The following FBXL5 variants were observed in gnomAD, a reference collection of about 807,000 sequenced individuals.
The protein encoded by FBXL5 is F-box and leucine rich repeat protein 5, also known as F-box/LRR-repeat protein 5.
Under a neutral mutation model 78.3 loss-of-function variants are expected in FBXL5, and 26 were observed. The observed-to-expected ratio is 0.33, with a 90% CI of 0.24 to 0.46. The LOEUF (loss-of-function observed/expected upper bound fraction) is 0.46, where lower values mean the gene tolerates loss of function less well. FBXL5 is among the 20% of genes least tolerant of loss of function. The pLI is 1.00. For synonymous variants in FBXL5, 295 were observed against 282.5 expected (o/e 1.04, Z -0.45); for missense variants, 710 against 829.2 (o/e 0.86, Z 1.77).
In FBXL5 at chr4:15,625,868, T is replaced by C. The variant is rs1176596181; in HGVS notation, c.1234A>G (p.Thr412Ala). ...TTCAAAAAGCCACTTTGATGAGATG[T>C]CAGAATTCCAAGAGCTCTGGAAATC... The part of the protein sequence containing the change: ...EKISRALGIL[T>A]SHQSGFLKTS... The change falls in exon 9 of 11, where the codon ACA becomes GCA. Residue 412 changes from threonine (T) to alanine (A), a missense_variant. Transcript: ENST00000341285. 1.9e-6 allele frequency: 3 copies of C among 1,614,142 alleles called. No homozygotes were observed. Among genetic ancestry groups the C allele is most frequent in the Non-Finnish European group, 2.5e-6 (3 of 1,180,022 alleles).
intron 10 of FBXL5, among the ~76,000 whole-genome samples, chr4:15,608,287 A>G (rs1418061797): frequency 6.6e-6 from 1 of 152,112 alleles, no homozygotes; most frequent in Non-Finnish European, 1.5e-5. Context: ...AAACAGATCA[A>G]AAAAGCTATT....
Position 15,636,496 on chromosome 4 carries a change from C to A in FBXL5, c.764G>T (p.Arg255Ile). 1 of 1,580,988 alleles carries A rather than the reference C, an allele frequency of 6.3e-7. No homozygotes were observed. The highest frequency in any genetic ancestry group is 8.6e-7 in the Non-Finnish European group (1 of 1,161,214). The change falls in exon 5 of 11, where the codon AGA (arginine) becomes ATA (isoleucine). Residue 255 changes from arginine (R) to isoleucine (I), a missense_variant and splice_region_variant. Arg to Ile is a moderately conservative substitution (Grantham distance 97, BLOSUM62 -3). This residue lies in a region of FBXL5 where 517 missense variants were observed against 542.9 expected (regional missense o/e 0.95). Coordinates refer to ENST00000341285, the MANE Select transcript of FBXL5 (RefSeq NM_012161.4). ...ATTTTAAAAACCCATTTACCTACCT[C>A]TGGCCCAATGAACAGGGTAAAGATG... ...WKHLYPVHWA[R>I]GDWYSGPATE... is the part of the protein sequence containing the mutation.
upstream of FBXL5, among the ~76,000 whole-genome samples, chr4:15,658,137 C>T (rs945186218): frequency 2.0e-5 from 3 of 152,144 alleles, no homozygotes; most frequent in Admixed American, 6.5e-5. Flanking sequence ...GGTTATTGGC[C>T]AGGGAGGGTC....
At position 15,605,285 on chromosome 4, in the gene FBXL5, T is replaced by C. The variant is rs1237529577; in HGVS notation, c.*438A>G. The C allele has an allele frequency of 6.5e-6, 1 of 153,022 alleles. No individual in the cohort carries two copies. The highest frequency in any genetic ancestry group is 6.5e-5 in the Admixed American group (1 of 15,290). 9.5% of individuals were successfully genotyped at this position (153,022 alleles called of 1,614,324 possible). On this transcript the variant is annotated 3_prime_UTR_variant, in exon 11 of 11. Transcript: ENST00000341285. ...GGAAATATTACGGAAAAGAGATTAG[T>C]TTCCAAAAATGTGCTGTCTTTGAAA...
At chr4:15,675,728 C>T (rs1172456481) in intron 1 of FBXL5, among the ~76,000 whole-genome samples, 1 of 151,900 alleles carries the variant, frequency 6.6e-6, no homozygotes, top group Non-Finnish European at 1.5e-5. Flanking sequence ...ATTACTGGCA[C>T]CTGACACCAC....
intron 10 of FBXL5, among the ~76,000 whole-genome samples, chr4:15,606,181 C>A (rs1031807787): frequency 4.6e-5 from 7 of 152,070 alleles, no homozygotes; most frequent in Admixed American, 1.3e-4. Flanking sequence ...ACAGCCCTAA[C>A]TATAATCGAT....
intron 1 of FBXL5, among the ~76,000 whole-genome samples, chr4:15,667,754 C>G (rs899399946): frequency 6.6e-6 from 1 of 152,014 alleles, no homozygotes; most frequent in Non-Finnish European, 1.5e-5. Flanking sequence ...ATTTGACTTC[C>G]TGGTATAAGA....
At chr4:15,618,568 C>T (rs971713655) in intron 9 of FBXL5, among the ~76,000 whole-genome samples, 3 of 152,198 alleles carry the variant, frequency 2.0e-5, no homozygotes, top group African/African-American at 7.2e-5. Flanking sequence ...TGGCTGGGCG[C>T]AGTGGCTCAC....
At chr4:15,652,606 C>T (rs1173238108) in intron 1 of FBXL5, among the ~76,000 whole-genome samples, 1 of 152,118 alleles carries the variant, frequency 6.6e-6, no homozygotes, top group African/African-American at 2.4e-5. Context: ...ATTTTCTCAT[C>T]CTATTCACCT....
intron 1 of FBXL5, among the ~76,000 whole-genome samples, chr4:15,647,229 A>C (rs1443942721): frequency 7.3e-6 from 1 of 137,694 alleles, no homozygotes; most frequent in Non-Finnish European, 1.5e-5. Context: ...TCTCAAAAAA[A>C]AAAAAAAAAA....
intron 5 of FBXL5, among the ~76,000 whole-genome samples, chr4:15,632,180 C>T (rs937664242): frequency 2.0e-5 from 3 of 152,148 alleles, no homozygotes; most frequent in Non-Finnish European, 4.4e-5. Context: ...GGAATCCTTT[C>T]CCTATTTCTT....
intron 1 of FBXL5, among the ~76,000 whole-genome samples, chr4:15,665,297 T>C (rs1054835704): frequency 6.6e-6 from 1 of 152,072 alleles, no homozygotes; most frequent in Non-Finnish European, 1.5e-5. Flanking sequence ...GCCCCCTACC[T>C]CCCTGGGCAT....
intron 1 of FBXL5, among the ~76,000 whole-genome samples, chr4:15,679,582 A>C (rs1281191231): frequency 2.0e-5 from 3 of 151,740 alleles, no homozygotes; most frequent in Admixed American, 2.0e-4. Flanking sequence ...AAAAAACAAA[A>C]AAACAAAAAA....
intron 3 of FBXL5, among the ~76,000 whole-genome samples, chr4:15,639,772 A>T (rs1209509466): frequency 1.3e-5 from 2 of 152,146 alleles, no homozygotes; most frequent in Non-Finnish European, 2.9e-5. Context: ...CTCTGATGTA[A>T]TTTGTCTGAA....
upstream of FBXL5, among the ~76,000 whole-genome samples, chr4:15,662,602 A>G (rs1452158251): frequency 6.6e-6 from 1 of 152,222 alleles, no homozygotes; most frequent in Non-Finnish European, 1.5e-5. Flanking sequence ...AAAAAGCTCT[A>G]CTTGGATAAT....
chr4:15,620,124 A>C (rs1712332210), intron 9 of FBXL5, among the ~76,000 whole-genome samples: 1 of 152,200 alleles, frequency 6.6e-6, no homozygotes, highest in South Asian at 2.1e-4. Flanking sequence ...CACAACACTC[A>C]GTTGCATTTC....
At chr4:15,641,963 G>C (rs1714929583) in intron 2 of FBXL5, among the ~76,000 whole-genome samples, 1 of 151,946 alleles carries the variant, frequency 6.6e-6, no homozygotes, top group Non-Finnish European at 1.5e-5. Flanking sequence ...GGAAGAAGGA[G>C]GTTGCGGTGA....
chr4:15,615,522 C>T (rs111740156), intron 9 of FBXL5, among the ~76,000 whole-genome samples: 2 of 148,430 alleles, frequency 1.3e-5, no homozygotes, highest in Non-Finnish European at 3.0e-5. Context: ...CTTGGAGAAC[C>T]TTTATGTCTA....
At chr4:15,624,824 A>G (rs6449152) in intron 9 of FBXL5, among the ~76,000 whole-genome samples, 53,191 of 151,972 alleles carry the variant, frequency 0.35, 9,710 homozygotes, top group Non-Finnish European at 0.37. Context: ...CCGTGTAGTC[A>G]GACTAAATGA....
Sources: allele counts gnomAD v4.1 joint callset (sites outside exome capture counted in the v4.1 genomes callset), GRCh38; gene constraint gnomAD v4.1.1; regional missense constraint gnomAD v4.1.1; transcripts MANE v1.5; gene names NCBI Gene and HGNC (gene_info 2026-07-23, HGNC 2026-07-21).